The following ANKH variants were observed in gnomAD, a reference collection of about 807,000 sequenced individuals.
ANKH encodes the protein ANKH inorganic pyrophosphate transport regulator.
In ANKH, 15 loss-of-function variants were observed where a neutral mutation model predicts 49.0. The observed-to-expected ratio is 0.31, with a 90% CI of 0.20 to 0.47. The LOEUF is 0.47. ANKH is among the 20% of genes least tolerant of loss of function. ANKH has a pLI of 1.00. For synonymous variants in ANKH, 273 were observed against 260.0 expected (o/e 1.05, Z -0.48); for missense variants, 429 against 652.0 (o/e 0.66, Z 3.72).
At chr5:14,712,088 T>C (rs537154820) in intron 11 of ANKH, among the ~76,000 whole-genome samples, 3 of 152,282 alleles carry the variant, frequency 2.0e-5, no homozygotes, top group Non-Finnish European at 4.4e-5. Flanking sequence ...TTTCTTTCAT[T>C]ATATTTGCCA....
chr5:14,837,536 C>T (rs1299476787), intron 1 of ANKH, among the ~76,000 whole-genome samples: 1 of 152,188 alleles, frequency 6.6e-6, no homozygotes, highest in South Asian at 2.1e-4. Flanking sequence ...CTCATCATCA[C>T]TGGCCATCAG....
Position 14,745,939 on chromosome 5 carries a change from T to C in ANKH, c.846A>G (p.Thr282=), listed in dbSNP as rs139013878. 2.8e-5 allele frequency: 45 copies of C among 1,614,198 alleles called. No individual in the cohort carries two copies. In the African/African-American group the frequency reaches 5.2e-4, roughly 19 times the overall value. The change falls in exon 7 of 12, where the codon ACA becomes ACG. Residue 282 remains threonine (T), a synonymous_variant. Transcript: ENST00000284268. The surrounding 1 kb of genome is among the most constrained non-coding windows in gnomAD (Gnocchi z 4.7). ...ATEAVAILTA[T]YPVGHMPYGW... The stretch of plus-strand genomic sequence containing the variant: ...CGTATGGCATGTGACCCACAGGGTA[T>C]GTGGCTGTCAAAATCGCCACTGCCT...
intron 1 of ANKH, chr5:14,797,044 T>C (rs1740412224): frequency 3.2e-6 from 4 of 1,239,164 alleles, no homozygotes; most frequent in Non-Finnish European, 4.4e-6. Flanking sequence ...ATAAAATCTG[T>C]CTCAGAACCA....
At chr5:14,862,417 GA>G (rs1735522652) in intron 1 of ANKH, among the ~76,000 whole-genome samples, 1 of 152,306 alleles carries the variant, frequency 6.6e-6, no homozygotes. Context: ...AACAGGAACT[GA>G]ATGATACCAA....
At chr5:14,727,562 C>T (rs994306908) in intron 8 of ANKH, among the ~76,000 whole-genome samples, 1 of 151,860 alleles carries the variant, frequency 6.6e-6, no homozygotes, top group African/African-American at 2.4e-5. Flanking sequence ...GAGGGTTGTC[C>T]AACTCCTATT....
chr5:14,792,854 G>A (rs1370418986), intron 1 of ANKH, among the ~76,000 whole-genome samples: 1 of 149,956 alleles, frequency 6.7e-6, no homozygotes, highest in African/African-American at 2.5e-5. Flanking sequence ...GCAGACACCT[G>A]TAATCCCAGC....
chr5:14,857,097 GCC>G (rs1735293516), intron 1 of ANKH, among the ~76,000 whole-genome samples: 2 of 151,762 alleles, frequency 1.3e-5, no homozygotes, highest in Non-Finnish European at 2.9e-5. Flanking sequence ...CCCACCCTAC[GCC>G]TATGTCTAAA....
chr5:14,828,013 C>T (rs2126594569), intron 1 of ANKH, among the ~76,000 whole-genome samples: 1 of 152,314 alleles, frequency 6.6e-6, no homozygotes, highest in South Asian at 2.1e-4. Flanking sequence ...AGATAAATCA[C>T]ATCAATTACA....
intron 8 of ANKH, among the ~76,000 whole-genome samples, chr5:14,729,158 A>G (rs1737914510): frequency 6.6e-6 from 1 of 152,102 alleles, no homozygotes; most frequent in African/African-American, 2.4e-5. Context: ...GGCTCAAGTA[A>G]TTCTCCTGCC....
intron 1 of ANKH, among the ~76,000 whole-genome samples, chr5:14,825,238 C>A (rs559625133): frequency 1.5e-4 from 23 of 152,348 alleles, no homozygotes; most frequent in Non-Finnish European, 2.8e-4. Flanking sequence ...TACGCTGGTA[C>A]ACAGAAATTC....
chr5:14,747,445 G>T (rs1267746364), intron 6 of ANKH, among the ~76,000 whole-genome samples: 2 of 152,078 alleles, frequency 1.3e-5, no homozygotes, highest in African/African-American at 4.8e-5. Flanking sequence ...AGTTGGGCAT[G>T]GTGGCTTAGG....
At chr5:14,861,571 A>G (rs1005800099) in intron 1 of ANKH, among the ~76,000 whole-genome samples, 2 of 152,128 alleles carry the variant, frequency 1.3e-5, no homozygotes, top group Admixed American at 1.3e-4. Context: ...GGTGTGTGGC[A>G]GTGCCTGTCA....
intron 1 of ANKH, among the ~76,000 whole-genome samples, chr5:14,842,535 C>G (rs901338940): frequency 3.9e-5 from 6 of 152,170 alleles, no homozygotes; most frequent in Non-Finnish European, 8.8e-5. Flanking sequence ...GACACAGACT[C>G]TCTTCTATAG....
chr5:14,716,645 GA>G, intron 9 of ANKH, 60 bp downstream of exon 9: 10 of 1,607,228 alleles, frequency 6.2e-6, no homozygotes, highest in Non-Finnish European at 8.5e-6. Context: ...CATTTCCAAA[GA>G]AAGATTTAAT....
intron 1 of ANKH, chr5:14,798,529 AC>A (rs1453783506): frequency 4.3e-6 from 3 of 701,770 alleles, no homozygotes; most frequent in Non-Finnish European, 4.6e-6. Flanking sequence ...GTTTGTGGCA[AC>A]CCTGTGTCAA....
At chr5:14,856,334 T>C (rs1481790161) in intron 1 of ANKH, among the ~76,000 whole-genome samples, 1 of 152,138 alleles carries the variant, frequency 6.6e-6, no homozygotes, top group East Asian at 1.9e-4. Context: ...CATACATACA[T>C]GCACCATTTC....
At chr5:14,825,161 T>C (rs1446505151) in intron 1 of ANKH, among the ~76,000 whole-genome samples, 1 of 152,212 alleles carries the variant, frequency 6.6e-6, no homozygotes. Flanking sequence ...AAAAGACACA[T>C]GAGGACTCAC....
At position 14,839,675 on chromosome 5, in the gene ANKH, CT is replaced by C. The variant is rs146846951; in HGVS notation, c.96+31676del. On this transcript the variant is annotated intron_variant, in intron 1 of 11. Transcript: ENST00000284268. Reference sequence around the variant, plus strand: ...CCAAAGCTCAAGCCGTCAACTTTGTCTTTCCTAGAAGAAACTTCAAGACACT... The same window carrying C: ...CCAAAGCTCAAGCCGTCAACTTTGTCTTCCTAGAAGAAACTTCAAGACACT... Among the ~76,000 whole-genome samples the C allele has an allele frequency of 6.5e-3, 994 of 152,274 alleles. 12 individuals carry two copies. The highest frequency in any genetic ancestry group is 0.023 in the African/African-American group (951 of 41,540).
intron 1 of ANKH, chr5:14,797,948 G>T (rs1740442461): frequency 6.3e-7 from 1 of 1,579,304 alleles, no homozygotes; most frequent in African/African-American, 1.3e-5. Flanking sequence ...TATAGTCAAA[G>T]ACAAGAATAT....
Sources: gnomAD v4.1 joint callset for allele counts (sites outside exome capture counted in the v4.1 genomes callset) on GRCh38, gnomAD v4.1.1 for gene constraint, Gnocchi (gnomAD v3.1) non-coding constraint, MANE v1.5 for transcripts, NCBI Gene and HGNC (gene_info 2026-07-23, HGNC 2026-07-21) for gene names.